ATRX: variants seen among roughly 807,000 people sequenced by gnomAD.
The protein encoded by ATRX is chromatin remodeler ATRX.
ATRX carries 12 observed loss-of-function variants against 172.6 expected under a neutral mutation model. The ratio of observed to expected loss-of-function variants is 0.07; its 90% confidence interval spans 0.04 to 0.11. ATRX has a LOEUF of 0.11. Among genes scored for constraint, ATRX ranks in the 10% least tolerant of loss-of-function variants. The probability of loss-of-function intolerance (pLI) is 1.00; values close to 1 mark genes in which losing one functional copy is unlikely to be tolerated. For missense variants in ATRX, 1,368 were observed against 1,767.4 expected, an observed-to-expected ratio of 0.77 and a Z score of 4.05; for synonymous variants, 674 against 594.7, an observed-to-expected ratio of 1.13 and a Z score of -1.94.
At chrX:77,780,995 C>G (rs1557205313) in intron 1 of ATRX, among the ~76,000 whole-genome samples, 1 of 110,928 alleles carries the variant, frequency 9.0e-6, no homozygotes, top group East Asian at 2.9e-4. Context: ...AATGACAAAG[C>G]AGAAGCCTGG....
chrX:77,520,288 A>C (rs1164772258), intron 34 of ATRX, among the ~76,000 whole-genome samples: 1 of 111,602 alleles, frequency 9.0e-6, no homozygotes, highest in Non-Finnish European at 1.9e-5. Context: ...TTGCACATTT[A>C]AAAATAACTA....
intron 19 of ATRX, among the ~76,000 whole-genome samples, chrX:77,620,764 T>C (rs1454050799): frequency 9.0e-6 from 1 of 111,338 alleles, no homozygotes; most frequent in Non-Finnish European, 1.9e-5. Flanking sequence ...TAAATGGTAG[T>C]CAGGGTCCTC....
intron 1 of ATRX, among the ~76,000 whole-genome samples, chrX:77,762,512 C>T (rs2075756224): frequency 2.7e-5 from 3 of 110,322 alleles, no homozygotes; most frequent in Non-Finnish European, 5.7e-5. Flanking sequence ...AGCACTGGAA[C>T]CATAGAGACT....
Position 77,781,480 on chromosome X carries a change from C to T in ATRX, c.20+4502G>A, listed in dbSNP as rs185783785. Among the ~76,000 whole-genome samples, 7 of 107,221 alleles carry T rather than the reference C, an allele frequency of 6.5e-5. No individual in the cohort carries two copies. In the East Asian group the frequency reaches 1.8e-3, roughly 27 times the overall value. The allele number at this position is 107,221 out of a possible 115,157, so 93.1% of individuals were successfully genotyped here. A position where few individuals can be genotyped will look rare whatever the true frequency, so the allele number is the denominator to read the frequency against. On this transcript the variant is annotated intron_variant, in intron 1 of 34. Coordinates refer to ENST00000373344, the MANE Select transcript of ATRX (RefSeq NM_000489.6). ...AAAAAAAAAAACTAGGACCCCAGAG[C>T]TTTAGTTTCTCTTTTAAGAACCATT...
At chrX:77,528,041 T>TG (rs1264843902) in intron 30 of ATRX, among the ~76,000 whole-genome samples, 11 of 1,246 alleles carry the variant, frequency 8.8e-3, no homozygotes, top group African/African-American at 0.019. Context: ...CTGGGGGTGG[T>TG]GGGGGGGTGG....
chrX:77,739,129 T>A (rs1349323082), intron 1 of ATRX, among the ~76,000 whole-genome samples: 7 of 110,764 alleles, frequency 6.3e-5, no homozygotes, highest in Non-Finnish European at 3.8e-5. Flanking sequence ...CTTTTATCCC[T>A]CATCTCCTTC....
chrX:77,532,639 A>C (rs2063616186), intron 30 of ATRX, among the ~76,000 whole-genome samples: 1 of 112,009 alleles, frequency 8.9e-6, no homozygotes, highest in African/African-American at 3.2e-5. Context: ...CACAAAATTT[A>C]ACTCAAGATG....
chrX:77,639,444 T>A (rs1297739116), intron 15 of ATRX, among the ~76,000 whole-genome samples: 1 of 111,693 alleles, frequency 9.0e-6, no homozygotes, highest in Non-Finnish European at 1.9e-5. Context: ...AAAGCAAAAC[T>A]CTAGTTAACA....
chrX:77,605,830 TAAACTC>T lies in ATRX; in HGVS notation c.5567-5272_5567-5267del, dbSNP rs2066884556. On this transcript the variant is annotated intron_variant, in intron 22 of 34. Transcript: ENST00000373344. ...ACAAACACTTGGTTTTTTGAAAAGATAAACTCAACAAACTTTTAGTCAGACTACTTA... is the reference window on the plus strand; with the variant it reads ...ACAAACACTTGGTTTTTTGAAAAGATAACAAACTTTTAGTCAGACTACTTA... 3.6e-5 allele frequency among the ~76,000 whole-genome samples: 4 copies of T among 110,696 alleles called. No individual in the cohort carries two copies. In the Admixed American group the frequency reaches 3.8e-4, roughly 11 times the overall value.
intron 30 of ATRX, among the ~76,000 whole-genome samples, chrX:77,541,758 A>C (rs1293717503): frequency 8.9e-6 from 1 of 112,109 alleles, no homozygotes; most frequent in Non-Finnish European, 1.9e-5. Context: ...CCTTCGACAA[A>C]AGTCAACAAC....
At chrX:77,517,598 G>A (rs2063097758) in intron 34 of ATRX, among the ~76,000 whole-genome samples, 1 of 111,924 alleles carries the variant, frequency 8.9e-6, no homozygotes, top group Non-Finnish European at 1.9e-5. Context: ...AACGTTTAAA[G>A]AAGAACTAAT....
At chrX:77,630,815 G>A (rs1220220459) in intron 19 of ATRX, among the ~76,000 whole-genome samples, 2 of 111,095 alleles carry the variant, frequency 1.8e-5, no homozygotes, top group African/African-American at 3.3e-5. Flanking sequence ...CATGACCTTC[G>A]ATTAAGCAAT....
intron 6 of ATRX, among the ~76,000 whole-genome samples, chrX:77,691,462 T>C (rs2071882800): frequency 8.9e-6 from 1 of 111,856 alleles, no homozygotes; most frequent in African/African-American, 3.2e-5. Flanking sequence ...TGGTTTTAAA[T>C]AGAACAAAAT....
intron 1 of ATRX, among the ~76,000 whole-genome samples, chrX:77,719,621 C>T (rs2073636888): frequency 9.0e-6 from 1 of 111,120 alleles, no homozygotes; most frequent in African/African-American, 3.3e-5. Context: ...ATCAAAGCAA[C>T]GAGAAGAGCT....
chrX:77,651,170 T>C (rs1330648514), intron 15 of ATRX, among the ~76,000 whole-genome samples: 3 of 81,528 alleles, frequency 3.7e-5, no homozygotes, highest in African/African-American at 4.7e-5. Flanking sequence ...TGAGCCGAGA[T>C]TGGGCCACTG....
chrX:77,563,461 T>C (rs1412601987), intron 28 of ATRX, among the ~76,000 whole-genome samples: 3 of 112,356 alleles, frequency 2.7e-5, no homozygotes, highest in Non-Finnish European at 3.8e-5. Context: ...TCAGATATCG[T>C]CTTTTGTAAA....
chrX:77,719,230 T>C (rs2073613061), intron 1 of ATRX, among the ~76,000 whole-genome samples: 1 of 111,383 alleles, frequency 9.0e-6, no homozygotes, highest in South Asian at 3.8e-4. Flanking sequence ...CCAGAATACA[T>C]AAAGACTTCT....
At chrX:77,702,181 G>A (rs1189469864) in intron 2 of ATRX, among the ~76,000 whole-genome samples, 5 of 112,576 alleles carry the variant, frequency 4.4e-5, no homozygotes, top group Non-Finnish European at 9.4e-5. Flanking sequence ...AGTGGCTCAC[G>A]CCTGTAATCC....
At chrX:77,512,369 G>A (rs1354510809) in intron 34 of ATRX, among the ~76,000 whole-genome samples, 1 of 112,246 alleles carries the variant, frequency 8.9e-6, no homozygotes, top group South Asian at 3.6e-4. Flanking sequence ...TGAAAGAAAA[G>A]GATGTTAACA....
Sources: allele counts gnomAD v4.1 joint callset (sites outside exome capture counted in the v4.1 genomes callset), GRCh38; gene constraint gnomAD v4.1.1; transcripts MANE v1.5; gene names NCBI Gene and HGNC (gene_info 2026-07-23, HGNC 2026-07-21).